PCDHGB4: variants seen among roughly 807,000 people sequenced by gnomAD.
The protein encoded by PCDHGB4 is protocadherin gamma-B4.
PCDHGB4 carries 38 observed loss-of-function variants against 60.5 expected under a neutral mutation model. The ratio of observed to expected loss-of-function variants is 0.63; its 90% CI spans 0.48 to 0.82. The LOEUF (loss-of-function observed/expected upper bound fraction) is 0.82, where lower values mean the gene tolerates loss of function less well. PCDHGB4 is among the 40% of genes least tolerant of loss of function. The probability of loss-of-function intolerance (pLI) is 0.00; values close to 1 mark genes in which losing one functional copy is unlikely to be tolerated. For synonymous variants in PCDHGB4, 456 were observed against 509.7 expected, an observed-to-expected ratio of 0.89 and a Z score of 1.42; for missense variants, 1,109 against 1,209.6, an observed-to-expected ratio of 0.92 and a Z score of 1.23.
intron 1 of PCDHGB4, chr5:141,392,838 AGACGCGGC>A (rs1239948956): frequency 6.2e-7 from 1 of 1,608,522 alleles, no homozygotes; most frequent in South Asian, 1.1e-5. Context: ...GAGTCGCCCC[AGACGCGGC>A]GAGCTGATCC....
In PCDHGB4 at chr5:141,512,494, C is replaced by T. The variant is rs2099884262; in HGVS notation, c.*1321C>T. The T allele has an allele frequency of 6.5e-6, 1 of 152,894 alleles. No individual in the cohort carries two copies. Among genetic ancestry groups the T allele is most frequent in the Admixed American group, 6.5e-5 (1 of 15,282 alleles). The allele number at this position is 152,894 out of a possible 1,614,324, so 9.5% of individuals were successfully genotyped here. Reference sequence around the variant, plus strand: ...CTTCCGTGAAGGCCACTGCCCAGGTCCCCAGTGCGCCCCCTAGTGGCCATA... The same window carrying T: ...CTTCCGTGAAGGCCACTGCCCAGGTTCCCAGTGCGCCCCCTAGTGGCCATA... On this transcript the variant is annotated 3_prime_UTR_variant, in exon 4 of 4. Transcript: ENST00000519479.
intron 1 of PCDHGB4, 110 bp from the exon 2 acceptor site, chr5:141,494,697 T>C: frequency 6.3e-7 from 1 of 1,590,934 alleles, no homozygotes; most frequent in Non-Finnish European, 8.6e-7. Flanking sequence ...TAGTCCGTTT[T>C]CTTCTCTGTG....
intron 1 of PCDHGB4, chr5:141,430,780 C>T: frequency 6.6e-7 from 1 of 1,511,476 alleles, no homozygotes; most frequent in Non-Finnish European, 8.8e-7. Flanking sequence ...CGCGACTGCA[C>T]CGGGACTACA....
At position 141,388,426 on chromosome 5, in the gene PCDHGB4, T is replaced by A; in HGVS notation, c.542T>A (p.Ile181Lys). The stretch of plus-strand genomic sequence containing the variant: ...AGTCCCAGTGATCATTTCTCACTGA[T>A]AAATAAAGAGAAATCAGATGGCAGT... The part of the protein sequence containing the change: ...QLSPSDHFSL[I>K]NKEKSDGSKY... The change falls in exon 1 of 4, where the codon ATA (isoleucine) becomes AAA (lysine). Residue 181 changes from isoleucine to lysine, a missense_variant. Physicochemically the swap from Ile to Lys is moderately radical, Grantham distance 102. Transcript: ENST00000519479. The A allele has an allele frequency of 6.2e-7, 1 of 1,613,864 alleles. No homozygotes were observed. The highest frequency in any genetic ancestry group is 8.5e-7 in the Non-Finnish European group (1 of 1,179,852).
chr5:141,399,274 C>T, intron 1 of PCDHGB4: 1 of 1,613,848 alleles, frequency 6.2e-7, no homozygotes, highest in Non-Finnish European at 8.5e-7. Context: ...TTGTCAATTA[C>T]AAGGCGAAGT....
At chr5:141,438,591 CATAT>C (rs946798767) in intron 1 of PCDHGB4, among the ~76,000 whole-genome samples, 213 of 75,464 alleles carry the variant, frequency 2.8e-3, no homozygotes, top group African/African-American at 5.5e-3. Flanking sequence ...TACATACATA[CATAT>C]ATATATATAT....
chr5:141,427,205 C>T lies in PCDHGB4; in HGVS notation c.2397+36924C>T, dbSNP rs73280903. 3.4e-3 allele frequency: 1,562 copies of T among 456,606 alleles called. 21 individuals carry two copies. Among genetic ancestry groups the T allele is most frequent in the African/African-American group, 0.028 (1,422 of 50,136 alleles). 28.3% of individuals were successfully genotyped at this position (456,606 alleles called of 1,614,324 possible). Reference sequence around the variant, plus strand: ...TTAAATCCAAAGACTTAATAGACTTCGAATTTCGTAGCAGTTATACCATGA... The same window carrying T: ...TTAAATCCAAAGACTTAATAGACTTTGAATTTCGTAGCAGTTATACCATGA... On this transcript the variant is annotated intron_variant, in intron 1 of 3. Transcript: ENST00000519479.
At chr5:141,441,004 C>G (rs1258800474) in intron 1 of PCDHGB4, 1 of 152,066 alleles carries the variant, frequency 6.6e-6, no homozygotes, top group African/African-American at 2.4e-5. Flanking sequence ...TCTAGTTTGG[C>G]CTTGATCAAA....
chr5:141,418,890 G>C (rs1449142412), intron 1 of PCDHGB4: 1 of 1,613,934 alleles, frequency 6.2e-7, no homozygotes, highest in South Asian at 1.1e-5. Context: ...AACGACAACA[G>C]CCCAGAAATA....
chr5:141,395,016 G>A (rs772379480), intron 1 of PCDHGB4: 2 of 1,614,068 alleles, frequency 1.2e-6, no homozygotes, highest in Non-Finnish European at 1.7e-6. Flanking sequence ...ATTGGTAGGC[G>A]TGCCTGCCTC....
At chr5:141,409,096 A>T (rs968537361) in intron 1 of PCDHGB4, 8 of 1,613,956 alleles carry the variant, frequency 5.0e-6, no homozygotes, top group African/African-American at 1.3e-5. Flanking sequence ...ATGAGAAAAC[A>T]GGTATGATTA....
At position 141,431,031 on chromosome 5, in the gene PCDHGB4, A is replaced by C; in HGVS notation, c.2397+40750A>C. Reference sequence around the variant, plus strand: ...AGCTTGGTCACGGCGGGCAGGATAGACCGGGAGGAGCTCTGTATGGGGGCC... The same window carrying C: ...AGCTTGGTCACGGCGGGCAGGATAGCCCGGGAGGAGCTCTGTATGGGGGCC... On this transcript the variant is annotated intron_variant, in intron 1 of 3. Coordinates refer to ENST00000519479, the MANE Select transcript of PCDHGB4 (RefSeq NM_003736.4). This position sits in a 1 kb window ranked among gnomAD's most constrained non-coding sequence, Gnocchi z 4.8. 1 of 1,614,036 alleles carries C rather than the reference A, an allele frequency of 6.2e-7. No homozygotes were observed. The highest frequency in any genetic ancestry group is 8.5e-7 in the Non-Finnish European group (1 of 1,180,000).
In PCDHGB4 at chr5:141,476,264, G is replaced by A. The variant is rs753184649; in HGVS notation, c.2398-18543G>A. The A allele has an allele frequency of 2.5e-6, 4 of 1,614,082 alleles. No individual in the cohort carries two copies. The highest frequency in any genetic ancestry group is 3.4e-6 in the Non-Finnish European group (4 of 1,180,010). Reference sequence around the variant, plus strand: ...AGAGAAGGGTTTCGCTGTGGGCAACGTGGTCGCGAACCTTGGTTTGGATCT... The same window carrying A: ...AGAGAAGGGTTTCGCTGTGGGCAACATGGTCGCGAACCTTGGTTTGGATCT... On this transcript the variant is annotated intron_variant, in intron 1 of 3. Coordinates refer to ENST00000519479, the MANE Select transcript of PCDHGB4 (RefSeq NM_003736.4). The surrounding 1 kb of genome is among the most constrained non-coding windows in gnomAD (Gnocchi z 7.6).
intron 1 of PCDHGB4, chr5:141,404,131 A>G (rs756505012): frequency 1.2e-6 from 2 of 1,613,162 alleles, no homozygotes; most frequent in South Asian, 2.2e-5. Context: ...TATCTTTTAC[A>G]TTAGAAAATT....
At chr5:141,481,077 G>A (rs1251064585) in intron 1 of PCDHGB4, among the ~76,000 whole-genome samples, 5 of 151,906 alleles carry the variant, frequency 3.3e-5, no homozygotes, top group Non-Finnish European at 7.4e-5. Context: ...AAGAAAGAAA[G>A]AAAAAAGAAA....
chr5:141,429,416 T>C (rs527999196), intron 1 of PCDHGB4, among the ~76,000 whole-genome samples: 1 of 152,230 alleles, frequency 6.6e-6, no homozygotes, highest in Admixed American at 6.5e-5. Flanking sequence ...GGTCTCATTA[T>C]GTTGCCCAGG....
intron 1 of PCDHGB4, chr5:141,415,857 T>G (rs1271614762): frequency 1.7e-6 from 2 of 1,194,900 alleles, no homozygotes; most frequent in Non-Finnish European, 2.2e-6. Flanking sequence ...AACCTTGTAG[T>G]TTATAGTGTT....
At position 141,431,294 on chromosome 5, in the gene PCDHGB4, T is replaced by C; in HGVS notation, c.2397+41013T>C. 1.9e-6 allele frequency: 3 copies of C among 1,614,096 alleles called. No individual in the cohort carries two copies. Among genetic ancestry groups the C allele is most frequent in the Non-Finnish European group, 2.5e-6 (3 of 1,180,026 alleles). ...CGAGCTCAGCCCGAACACTCACTTC[T>C]CCCTCATCGTGCAAAATGGAGCCGA... On this transcript the variant is annotated intron_variant, in intron 1 of 3. Transcript: ENST00000519479. The surrounding 1 kb of genome is among the most constrained non-coding windows in gnomAD (Gnocchi z 4.8).
intron 1 of PCDHGB4, chr5:141,440,247 T>C (rs1158469276): frequency 1.3e-5 from 2 of 152,296 alleles, no homozygotes; most frequent in Non-Finnish European, 2.9e-5. Context: ...GGCGAGCAGA[T>C]TACGAGGTCA....
Sources: gnomAD v4.1 joint callset for allele counts (sites outside exome capture counted in the v4.1 genomes callset) on GRCh38, gnomAD v4.1.1 for gene constraint, Gnocchi (gnomAD v3.1) non-coding constraint, MANE v1.5 for transcripts, NCBI Gene and HGNC (gene_info 2026-07-23, HGNC 2026-07-21) for gene names.